Variants in PXDNL observed in about 807,000 individuals in gnomAD.
PXDNL encodes the protein probable oxidoreductase PXDNL.
In PXDNL, 145 loss-of-function variants were observed where a neutral mutation model predicts 150.8. That is an observed-to-expected ratio of 0.96 (90% confidence interval 0.84 to 1.10). The LOEUF (loss-of-function observed/expected upper bound fraction) is 1.10. Ranked by LOEUF, PXDNL falls within the 50% of genes least tolerant of loss-of-function variation. The pLI, the probability that PXDNL is intolerant of heterozygous loss-of-function variation, is 0.00. For synonymous variants in PXDNL, 757 were observed against 725.7 expected, an observed-to-expected ratio of 1.04 and a Z score of -0.69; for missense variants, 2,087 against 1,873.9, an observed-to-expected ratio of 1.11 and a Z score of -2.10.
intron 1 of PXDNL, among the ~76,000 whole-genome samples, chr8:51,764,760 T>C (rs552059868): frequency 3.4e-4 from 52 of 152,342 alleles, no homozygotes; most frequent in Non-Finnish European, 6.2e-4. Context: ...TTATGTGCAC[T>C]GAGAAAAATG....
At chr8:51,542,073 C>T (rs1359925570) in intron 4 of PXDNL, among the ~76,000 whole-genome samples, 1 of 151,982 alleles carries the variant, frequency 6.6e-6, no homozygotes, top group Non-Finnish European at 1.5e-5. Flanking sequence ...TAAATAAAGT[C>T]TTTTGTAAAG....
intron 8 of PXDNL, 60 bp from the exon 9 acceptor site, chr8:51,457,727 C>G: frequency 7.4e-7 from 1 of 1,358,038 alleles, no homozygotes; most frequent in Non-Finnish European, 1.0e-6. Flanking sequence ...AAACTCTTAA[C>G]AAGACTGAGA....
Position 51,409,397 on chromosome 8 carries a change from C to T in PXDNL, c.2227G>A (p.Gly743Ser), listed in dbSNP as rs765030106. 9 of 1,608,358 alleles carry T rather than the reference C, an allele frequency of 5.6e-6. No homozygotes were observed. In the South Asian group the frequency reaches 6.6e-5, roughly 12 times the overall value. The change falls in exon 17 of 23, where the codon GGC (glycine) becomes AGC (serine). Residue 743 changes from glycine to serine, a missense_variant. Gly to Ser is a moderately conservative substitution (Grantham distance 56). Coordinates refer to ENST00000356297, the MANE Select transcript of PXDNL (RefSeq NM_144651.5). ...TCNNLQQPTW[G>S]AALTAFARLL... ...CGCGCGAAGGCGGTCAGCGCCGCGC[C>T]CCACGTGGGCTGCTGCAGGTTGTTG...
intron 21 of PXDNL, among the ~76,000 whole-genome samples, chr8:51,331,606 G>T (rs966050476): frequency 6.6e-6 from 1 of 152,028 alleles, no homozygotes; most frequent in African/African-American, 2.4e-5. Context: ...TTTCAAGCCT[G>T]CCCTCCACCT....
chr8:51,725,735 G>T (rs1816807930), intron 1 of PXDNL, among the ~76,000 whole-genome samples: 1 of 152,208 alleles, frequency 6.6e-6, no homozygotes, highest in South Asian at 2.1e-4. Flanking sequence ...TTTGATTGGG[G>T]ATAGAACCCA....
chr8:51,348,829 A>G (rs1292107313), intron 19 of PXDNL, among the ~76,000 whole-genome samples: 1 of 152,168 alleles, frequency 6.6e-6, no homozygotes, highest in African/African-American at 2.4e-5. Context: ...ACAGCTTTTC[A>G]ACAGAAGAGA....
intron 17 of PXDNL, among the ~76,000 whole-genome samples, chr8:51,382,523 A>C (rs1586055571): frequency 6.6e-6 from 1 of 152,198 alleles, no homozygotes; most frequent in South Asian, 2.1e-4. Flanking sequence ...TATTGTCCTA[A>C]ACCTTACACC....
At chr8:51,709,488 T>C (rs1816451999) in intron 1 of PXDNL, among the ~76,000 whole-genome samples, 1 of 152,114 alleles carries the variant, frequency 6.6e-6, no homozygotes, top group Non-Finnish European at 1.5e-5. Flanking sequence ...TTTCCTGACC[T>C]CGTGATCCAC....
intron 1 of PXDNL, among the ~76,000 whole-genome samples, chr8:51,781,168 A>G (rs1459878758): frequency 6.6e-6 from 1 of 152,188 alleles, no homozygotes; most frequent in Non-Finnish European, 1.5e-5. Context: ...TTTATATTAT[A>G]GGCATGCATT....
intron 1 of PXDNL, among the ~76,000 whole-genome samples, chr8:51,799,641 T>C (rs906725416): frequency 2.6e-5 from 4 of 152,206 alleles, no homozygotes; most frequent in African/African-American, 9.6e-5. Context: ...GCTTTTCAAC[T>C]ATACTTGTCT....
chr8:51,565,282 C>CTAAATAAATAAATAAATAAA (rs60659791), intron 3 of PXDNL, among the ~76,000 whole-genome samples: 15 of 132,568 alleles, frequency 1.1e-4, no homozygotes, highest in South Asian at 2.6e-4. Flanking sequence ...ATATCTTTTC[C>CTAAATAAATAAATAAATAAA]TAAATAAATA....
intron 1 of PXDNL, among the ~76,000 whole-genome samples, chr8:51,784,765 CT>C (rs1438629504): frequency 6.6e-6 from 1 of 152,056 alleles, no homozygotes; most frequent in Non-Finnish European, 1.5e-5. Flanking sequence ...CTTTGCTTCC[CT>C]TTACAATGTT....
chr8:51,709,381 A>G (rs892255885), intron 1 of PXDNL, among the ~76,000 whole-genome samples: 4 of 152,052 alleles, frequency 2.6e-5, no homozygotes, highest in South Asian at 2.1e-4. Context: ...CAGCCTCCCA[A>G]GTAGCTGGGA....
At chr8:51,579,369 G>A (rs1563471903) in intron 3 of PXDNL, among the ~76,000 whole-genome samples, 1 of 152,040 alleles carries the variant, frequency 6.6e-6, no homozygotes, top group East Asian at 1.9e-4. Context: ...TTAGCCATCA[G>A]AGAAGTATAA....
intron 19 of PXDNL, among the ~76,000 whole-genome samples, chr8:51,365,698 T>C (rs1228041829): frequency 6.6e-6 from 1 of 152,180 alleles, no homozygotes; most frequent in Non-Finnish European, 1.5e-5. Context: ...TCGTAGCCTG[T>C]GAGTGATATG....
intron 2 of PXDNL, among the ~76,000 whole-genome samples, chr8:51,594,566 G>A (rs1367719896): frequency 6.6e-6 from 1 of 152,140 alleles, no homozygotes; most frequent in Non-Finnish European, 1.5e-5. Context: ...AAATTACACT[G>A]AAATTATGAT....
chr8:51,542,510 A>G (rs926528656), intron 4 of PXDNL, among the ~76,000 whole-genome samples: 1 of 144,084 alleles, frequency 6.9e-6, no homozygotes, highest in Non-Finnish European at 1.5e-5. Context: ...AAAAAAAAAA[A>G]GAGAGAGAGA....
chr8:51,684,476 C>T (rs1181165145), intron 1 of PXDNL, among the ~76,000 whole-genome samples: 1 of 152,180 alleles, frequency 6.6e-6, no homozygotes. Context: ...CAGAACCCAA[C>T]TCCATTTTAC....
chr8:51,574,482 A>C (rs1462975825), intron 3 of PXDNL, among the ~76,000 whole-genome samples: 2 of 152,000 alleles, frequency 1.3e-5, no homozygotes, highest in Non-Finnish European at 2.9e-5. Context: ...GAGAGGAGAA[A>C]AAAAGGATGA....
Sources: gnomAD v4.1 joint callset for allele counts (sites outside exome capture counted in the v4.1 genomes callset) on GRCh38, gnomAD v4.1.1 for gene constraint, MANE v1.5 for transcripts, NCBI Gene and HGNC (gene_info 2026-07-23, HGNC 2026-07-21) for gene names.